The following ADAMTS2 variants were observed in gnomAD, a reference collection of about 807,000 sequenced individuals.
ADAMTS2 encodes A disintegrin and metalloproteinase with thrombospondin motifs 2.
Under a neutral mutation model 123.0 loss-of-function variants are expected in ADAMTS2, and 50 were observed. The ratio of observed to expected loss-of-function variants is 0.41; its 90% CI spans 0.32 to 0.51. The LOEUF is 0.51. Ranked by LOEUF, ADAMTS2 falls within the 20% of genes least tolerant of loss-of-function variation. The probability of loss-of-function intolerance (pLI) is 0.35; values close to 1 mark genes in which losing one functional copy is unlikely to be tolerated. For missense variants in ADAMTS2, 1,494 were observed against 1,705.2 expected (o/e 0.88, Z 2.18); for synonymous variants, 678 against 695.4 (o/e 0.98, Z 0.39).
At chr5:179,333,753 C>G (rs1047876380) in intron 2 of ADAMTS2, among the ~76,000 whole-genome samples, 15 of 152,092 alleles carry the variant, frequency 9.9e-5, no homozygotes, top group African/African-American at 3.6e-4. Flanking sequence ...GCGTGTGCCA[C>G]CATGCCCAGC....
At chr5:179,344,257 C>A in intron 1 of ADAMTS2, 96 bp from the exon 2 acceptor site, 2 of 1,454,884 alleles carry the variant, frequency 1.4e-6, no homozygotes, top group Admixed American at 4.1e-5. Context: ...CCCCGCCCCA[C>A]TGCGAAGGGA....
intron 9 of ADAMTS2, among the ~76,000 whole-genome samples, chr5:179,152,848 G>A (rs1213330235): frequency 1.3e-5 from 2 of 152,066 alleles, no homozygotes; most frequent in East Asian, 1.9e-4. Flanking sequence ...GCCCTCCTGC[G>A]TTGGTACTCG....
rs1248046194 is a variant in ADAMTS2 at position 179,170,692 on chromosome 5, C to T, written c.975+10380G>A. Among the ~76,000 whole-genome samples the T allele has an allele frequency of 6.6e-6, 1 of 152,188 alleles. No individual in the cohort carries two copies. Among genetic ancestry groups the T allele is most frequent in the African/African-American group, 2.4e-5 (1 of 41,452 alleles). ...CCATCCTGGCTGCTCCATCCATGGTCCCCTATTGCCTGCCACCCTGCTGTA... is the reference window on the plus strand; with the variant it reads ...CCATCCTGGCTGCTCCATCCATGGTTCCCTATTGCCTGCCACCCTGCTGTA... On this transcript the variant is annotated intron_variant, in intron 5 of 21. Transcript: ENST00000251582. The surrounding 1 kb of genome is among the most constrained non-coding windows in gnomAD (Gnocchi z 4.3).
chr5:179,230,704 A>G (rs1364443317), intron 3 of ADAMTS2, among the ~76,000 whole-genome samples: 5 of 152,172 alleles, frequency 3.3e-5, no homozygotes, highest in African/African-American at 9.7e-5. Flanking sequence ...GCACTCTTTC[A>G]TTTTGTAAAA....
intron 3 of ADAMTS2, among the ~76,000 whole-genome samples, chr5:179,251,966 T>G (rs893430551): frequency 4.6e-5 from 7 of 151,874 alleles, no homozygotes; most frequent in Admixed American, 4.6e-4. Flanking sequence ...TGATCAGAAC[T>G]CAGAGGTTTT....
intron 2 of ADAMTS2, among the ~76,000 whole-genome samples, chr5:179,334,311 C>T (rs544238371): frequency 2.0e-5 from 3 of 152,182 alleles, no homozygotes; most frequent in Non-Finnish European, 4.4e-5. Context: ...ATTCCTGGCC[C>T]AGCAAAGTGG....
At position 179,256,662 on chromosome 5, in the gene ADAMTS2, G is replaced by A. The variant is rs1206770314; in HGVS notation, c.688+16249C>T. ...TGAGTGGGGGGGCCAGGCACGAATC[G>A]GCAGGGAGGGAGGGGTTGTGTTCGC... On this transcript the variant is annotated intron_variant, in intron 3 of 21. Coordinates refer to ENST00000251582, the MANE Select transcript of ADAMTS2 (RefSeq NM_014244.5). The surrounding 1 kb of genome is among the most constrained non-coding windows in gnomAD (Gnocchi z 4.1). Among the ~76,000 whole-genome samples the A allele has an allele frequency of 6.6e-6, 1 of 152,176 alleles. No individual in the cohort carries two copies. Among genetic ancestry groups the A allele is most frequent in the Non-Finnish European group, 1.5e-5 (1 of 68,024 alleles).
At chr5:179,163,531 C>G (rs554096328) in intron 5 of ADAMTS2, among the ~76,000 whole-genome samples, 45 of 152,244 alleles carry the variant, frequency 3.0e-4, no homozygotes, top group Non-Finnish European at 5.1e-4. Flanking sequence ...GCAGACAAAA[C>G]AACGCATCCT....
At chr5:179,165,772 C>T (rs1681774350) in intron 5 of ADAMTS2, among the ~76,000 whole-genome samples, 2 of 152,304 alleles carry the variant, frequency 1.3e-5, no homozygotes, top group Middle Eastern at 6.8e-3. Context: ...TTCACAGCGG[C>T]AGCAGCTCCC....
Position 179,272,772 on chromosome 5 carries a change from T to G in ADAMTS2, c.688+139A>C. On this transcript the variant is annotated intron_variant, in intron 3 of 21. Coordinates refer to ENST00000251582, the MANE Select transcript of ADAMTS2 (RefSeq NM_014244.5). This position sits in a 1 kb window ranked among gnomAD's most constrained non-coding sequence, Gnocchi z 5.8. ...CCGTCAGCCAGGCAGCTGGCCCATT[T>G]CTGAGCCACTGAGACCGGGGCTCAG... 8.8e-7 allele frequency: 1 copy of G among 1,138,520 alleles called. No homozygotes were observed. The highest frequency in any genetic ancestry group is 1.2e-6 in the Non-Finnish European group (1 of 817,110). The allele number at this position is 1,138,520 out of a possible 1,614,324, so 70.5% of individuals were successfully genotyped here.
intron 2 of ADAMTS2, among the ~76,000 whole-genome samples, chr5:179,336,721 G>A (rs1757623161): frequency 6.6e-6 from 1 of 152,184 alleles, no homozygotes; most frequent in African/African-American, 2.4e-5. Context: ...TGAAGTGCGT[G>A]CGGACAGAAC....
intron 4 of ADAMTS2, among the ~76,000 whole-genome samples, chr5:179,205,530 G>A (rs450502): frequency 0.36 from 54,845 of 152,038 alleles, 10,133 homozygotes; most frequent in Middle Eastern, 0.45. Context: ...GCCTGGAGTC[G>A]CCATCGGACT....
rs569657843 is a variant in ADAMTS2, at chr5:179,159,175, C to T, written c.976-296G>A. ...CATCTAAGGCCTCGCATAGTCCCAC[C>T]GTCTACCCCATTTCCAGAAGTCCCT... On this transcript the variant is annotated intron_variant, in intron 5 of 21. Transcript: ENST00000251582. Among the ~76,000 whole-genome samples the T allele has an allele frequency of 4.6e-5, 7 of 152,196 alleles. No homozygotes were observed. The South Asian group carries it at 1.2e-3, about 27-fold the overall frequency.
At chr5:179,160,003 A>G (rs755908838) in intron 5 of ADAMTS2, among the ~76,000 whole-genome samples, 23 of 152,206 alleles carry the variant, frequency 1.5e-4, no homozygotes, top group Non-Finnish European at 3.1e-4. Context: ...AAGAGAACCG[A>G]GAGCCCCTCT....
intron 3 of ADAMTS2, among the ~76,000 whole-genome samples, chr5:179,251,317 C>T (rs1450628424): frequency 1.3e-5 from 2 of 152,144 alleles, no homozygotes; most frequent in African/African-American, 4.8e-5. Context: ...TCTCAGGAAT[C>T]GTATTTCTGC....
intron 3 of ADAMTS2, among the ~76,000 whole-genome samples, chr5:179,258,384 T>G (rs1766124755): frequency 6.6e-6 from 1 of 152,146 alleles, no homozygotes; most frequent in Non-Finnish European, 1.5e-5. Flanking sequence ...CTAGTCCTTT[T>G]TGCCCTGCTG....
rs562199504 is a variant in ADAMTS2, at chr5:179,197,457, G to A, written c.891+10056C>T. ...TTTAAAAATGTATCTGTAGCCAGGCGTGGTGGCTCGTGCCTGTGATCCCAG... is the reference window on the plus strand; with the variant it reads ...TTTAAAAATGTATCTGTAGCCAGGCATGGTGGCTCGTGCCTGTGATCCCAG... On this transcript the variant is annotated intron_variant, in intron 4 of 21. Transcript: ENST00000251582. The surrounding 1 kb of genome is among the most constrained non-coding windows in gnomAD (Gnocchi z 4.2). 8.5e-4 allele frequency among the ~76,000 whole-genome samples: 129 copies of A among 152,292 alleles called. No homozygotes were observed. Among genetic ancestry groups the A allele is most frequent in the Non-Finnish European group, 1.4e-3 (95 of 68,022 alleles).
chr5:179,204,633 C>T (rs1403482691), intron 4 of ADAMTS2, among the ~76,000 whole-genome samples: 2 of 152,236 alleles, frequency 1.3e-5, no homozygotes, highest in African/African-American at 2.4e-5. Flanking sequence ...TTAGATCTGT[C>T]CTCAGGACTC....
In ADAMTS2 at chr5:179,155,707, G is replaced by A. The variant is rs1312522233; in HGVS notation, c.1133-788C>T. Among the ~76,000 whole-genome samples the A allele has an allele frequency of 2.0e-5, 3 of 152,148 alleles. No individual in the cohort carries two copies. The highest frequency in any genetic ancestry group is 7.2e-5 in the African/African-American group (3 of 41,424). On this transcript the variant is annotated intron_variant, in intron 6 of 21. Coordinates refer to ENST00000251582, the MANE Select transcript of ADAMTS2 (RefSeq NM_014244.5). This position sits in a 1 kb window ranked among gnomAD's most constrained non-coding sequence, Gnocchi z 5.1. ...AGCTCCTGTCTCAGCAGAGGGAGGC[G>A]GCTTGGAAAGATAGGGAAGTGCCTA...
Sources: gnomAD v4.1 joint callset for allele counts (sites outside exome capture counted in the v4.1 genomes callset) on GRCh38, gnomAD v4.1.1 for gene constraint, Gnocchi (gnomAD v3.1) non-coding constraint, MANE v1.5 for transcripts, NCBI Gene and HGNC (gene_info 2026-07-23, HGNC 2026-07-21) for gene names.